CSMD1: variants seen among roughly 807,000 people sequenced by gnomAD.
CSMD1 encodes CUB and sushi domain-containing protein 1.
A neutral mutation model predicts 417.5 loss-of-function variants in CSMD1; 213 were observed. The observed-to-expected ratio is 0.51, with a 90% CI of 0.46 to 0.57. The LOEUF is 0.57. CSMD1 is among the 20% of genes least tolerant of loss of function. The pLI, the probability that CSMD1 is intolerant of heterozygous loss-of-function variation, is 0.00. For synonymous variants in CSMD1, 2,862 were observed against 1,736.8 expected (o/e 1.65, Z -16.11); for missense variants, 6,923 against 4,529.7 (o/e 1.53, Z -15.17).
At chr8:4,872,641 C>T (rs981235445) in intron 1 of CSMD1, among the ~76,000 whole-genome samples, 6 of 152,040 alleles carry the variant, frequency 3.9e-5, no homozygotes, top group African/African-American at 1.5e-4. Context: ...TGAAAACAGT[C>T]TAATACACTG....
chr8:3,214,627 G>A lies in CSMD1; in HGVS notation c.4737C>T (p.Asp1579=), dbSNP rs376083945. 1.3e-5 allele frequency: 21 copies of A among 1,555,738 alleles called. No homozygotes were observed. Among genetic ancestry groups the A allele is most frequent in the Non-Finnish European group, 1.8e-5 (21 of 1,149,080 alleles). Residue 1579 remains aspartate (D), a synonymous_variant, in exon 30 of 70, where the codon GAC becomes GAT. Transcript: ENST00000635120. ...AGGTGATGGTGGAGCCAAGCTTGAAGTCTGTTCCAACTCTTGTCCCATTCA... is the reference window on the plus strand; with the variant it reads ...AGGTGATGGTGGAGCCAAGCTTGAAATCTGTTCCAACTCTTGTCCCATTCA... ...NIMNGTRVGT[D]FKLGSTITYQ... is the part of the protein sequence containing the mutation.
At chr8:4,013,230 T>C (rs1397898104) in intron 4 of CSMD1, among the ~76,000 whole-genome samples, 1 of 152,022 alleles carries the variant, frequency 6.6e-6, no homozygotes, top group Non-Finnish European at 1.5e-5. Context: ...ACCTTTCCCC[T>C]CTCCTATCCT....
At position 4,722,069 on chromosome 8, in the gene CSMD1, G is replaced by A. The variant is rs1180227138; in HGVS notation, c.86-84511C>T. Among the ~76,000 whole-genome samples the A allele has an allele frequency of 7.2e-5, 11 of 152,228 alleles. No homozygotes were observed. In the East Asian group the frequency reaches 2.1e-3, roughly 29 times the overall value. ...GTATGAAGTTGAACTTATGTAGGAT[G>A]AATAAGTCAAGAAATCTAATATATA... On this transcript the variant is annotated intron_variant, in intron 1 of 69. Coordinates refer to ENST00000635120, the MANE Select transcript of CSMD1 (RefSeq NM_033225.6).
intron 5 of CSMD1, among the ~76,000 whole-genome samples, chr8:3,855,287 C>T (rs988872805): frequency 2.0e-5 from 3 of 152,050 alleles, no homozygotes; most frequent in African/African-American, 4.8e-5. Flanking sequence ...TCTGTCTTTG[C>T]AATTTAAACT....
chr8:4,653,825 C>G (rs966742547), intron 1 of CSMD1, among the ~76,000 whole-genome samples: 1 of 152,090 alleles, frequency 6.6e-6, no homozygotes, highest in African/African-American at 2.4e-5. Context: ...TAATCTTTAT[C>G]AAGTGCCATG....
At chr8:4,344,562 A>G (rs1800673717) in intron 3 of CSMD1, among the ~76,000 whole-genome samples, 8 of 150,830 alleles carry the variant, frequency 5.3e-5, no homozygotes, top group Non-Finnish European at 3.0e-5. Flanking sequence ...ATATAAATAT[A>G]TACATATATA....
chr8:3,764,934 C>G lies in CSMD1; in HGVS notation c.819-10892G>C, dbSNP rs139846608. Among the ~76,000 whole-genome samples the G allele has an allele frequency of 4.8e-3, 732 of 151,954 alleles. 6 individuals carry two copies. The highest frequency in any genetic ancestry group is 0.016 in the African/African-American group (678 of 41,450). ...CTCATTTTCGTATTTTTAGTAGAGA[C>G]AGGGTTTCACATGTTGACCAGGCTG... On this transcript the variant is annotated intron_variant, in intron 5 of 69. Transcript: ENST00000635120.
intron 3 of CSMD1, among the ~76,000 whole-genome samples, chr8:4,220,281 G>T (rs1279847256): frequency 6.6e-6 from 1 of 152,190 alleles, no homozygotes. Context: ...TTGTCAGTGA[G>T]GCCTTCCTGA....
intron 3 of CSMD1, among the ~76,000 whole-genome samples, chr8:4,038,436 A>C (rs1287674318): frequency 6.6e-6 from 1 of 152,196 alleles, no homozygotes; most frequent in Non-Finnish European, 1.5e-5. Flanking sequence ...CACAGACACA[A>C]ATATTACCAA....
intron 2 of CSMD1, among the ~76,000 whole-genome samples, chr8:4,462,877 G>C (rs989991323): frequency 6.6e-6 from 1 of 152,018 alleles, no homozygotes; most frequent in South Asian, 2.1e-4. Flanking sequence ...AGAAAATATA[G>C]GAGTAAATCT....
At chr8:4,309,988 G>A (rs375180190) in intron 3 of CSMD1, among the ~76,000 whole-genome samples, 7 of 152,236 alleles carry the variant, frequency 4.6e-5, no homozygotes, top group Admixed American at 2.6e-4. Flanking sequence ...TTTCACACCA[G>A]ACTAAGGAGT....
intron 52 of CSMD1, among the ~76,000 whole-genome samples, chr8:3,016,162 C>A (rs1385777778): frequency 6.6e-6 from 1 of 152,176 alleles, no homozygotes; most frequent in Non-Finnish European, 1.5e-5. Context: ...CATTTTAAAT[C>A]ATCAAAAAAT....
At chr8:3,448,329 A>AAGGG (rs1585179399) in intron 12 of CSMD1, among the ~76,000 whole-genome samples, 2 of 878 alleles carry the variant, frequency 2.3e-3, no homozygotes, top group Non-Finnish European at 4.3e-3. Context: ...GGAAGGGAGC[A>AAGGG]AGGGAGGGAG....
chr8:4,823,867 G>T (rs1799658077), intron 1 of CSMD1, among the ~76,000 whole-genome samples: 1 of 151,868 alleles, frequency 6.6e-6, no homozygotes, highest in Non-Finnish European at 1.5e-5. Flanking sequence ...ATAAAAGGAA[G>T]GCTTAATATT....
At chr8:3,526,011 G>A (rs752342528) in intron 10 of CSMD1, among the ~76,000 whole-genome samples, 1 of 152,116 alleles carries the variant, frequency 6.6e-6, no homozygotes, top group Non-Finnish European at 1.5e-5. Context: ...ACATGGGATG[G>A]AGCTTAAATA....
chr8:3,854,553 T>C (rs969214303), intron 5 of CSMD1, among the ~76,000 whole-genome samples: 3 of 152,100 alleles, frequency 2.0e-5, no homozygotes, highest in East Asian at 3.9e-4. Context: ...TCATTTCTGC[T>C]TACTTAGCTT....
At chr8:3,844,215 G>C (rs1803333529) in intron 5 of CSMD1, among the ~76,000 whole-genome samples, 1 of 152,174 alleles carries the variant, frequency 6.6e-6, no homozygotes, top group African/African-American at 2.4e-5. Context: ...GTTGAAGAAT[G>C]AGTCTGGCTT....
At chr8:3,840,312 C>A (rs1585074204) in intron 5 of CSMD1, among the ~76,000 whole-genome samples, 1 of 152,174 alleles carries the variant, frequency 6.6e-6, no homozygotes, top group Non-Finnish European at 1.5e-5. Flanking sequence ...GAGGTGCCAA[C>A]TAGCATCTCG....
chr8:3,846,974 C>A (rs114370358), intron 5 of CSMD1, among the ~76,000 whole-genome samples: 3,802 of 152,160 alleles, frequency 0.025, 158 homozygotes, highest in African/African-American at 0.086. Context: ...TGCGCCTGGC[C>A]CCAGGATTTA....
Sources: gnomAD v4.1 joint callset for allele counts (sites outside exome capture counted in the v4.1 genomes callset) on GRCh38, gnomAD v4.1.1 for gene constraint, MANE v1.5 for transcripts, NCBI Gene and HGNC (gene_info 2026-07-23, HGNC 2026-07-21) for gene names.